Variants in SMARCD1 observed in about 807,000 individuals in gnomAD.
The protein encoded by SMARCD1 is SWI/SNF-related matrix-associated actin-dependent regulator of chromatin subfamily D member 1.
In SMARCD1, 16 loss-of-function variants were observed where a neutral mutation model predicts 70.8. The observed-to-expected ratio is 0.23, with a 90% CI of 0.15 to 0.34. SMARCD1 has a LOEUF of 0.34. Ranked by LOEUF, SMARCD1 falls within the 10% of genes least tolerant of loss-of-function variation. The pLI, the probability that SMARCD1 is intolerant of heterozygous loss-of-function variation, is 1.00. For synonymous variants in SMARCD1, 249 were observed against 246.0 expected (o/e 1.01, Z -0.11); for missense variants, 409 against 655.5 (o/e 0.62, Z 4.11).
At chr12:50,088,857 T>C in intron 6 of SMARCD1, 1 of 324,328 alleles carries the variant, frequency 3.1e-6, no homozygotes, top group East Asian at 4.9e-5. Flanking sequence ...ATCTTTTTAA[T>C]GTTACTATCC....
Position 50,099,162 on chromosome 12 carries a change from T to C in SMARCD1, c.*162T>C, listed in dbSNP as rs570121131. 22 of 659,234 alleles carry C rather than the reference T, an allele frequency of 3.3e-5. No individual in the cohort carries two copies. The African/African-American group carries it at 3.4e-4, about 10-fold the overall frequency. The allele number at this position is 659,234 out of a possible 1,614,324, so 40.8% of individuals were successfully genotyped here. A position where few individuals can be genotyped will look rare whatever the true frequency, so the allele number is the denominator to read the frequency against. On this transcript the variant is annotated 3_prime_UTR_variant, in exon 13 of 13. Transcript: ENST00000394963. ...AGAGGGTCTCACAAGACACCTGTTA[T>C]CCTCTTCTTTCACCCTATCTCTTCC...
At chr12:50,093,225 G>C (rs555831701) in intron 9 of SMARCD1, among the ~76,000 whole-genome samples, 1 of 151,748 alleles carries the variant, frequency 6.6e-6, no homozygotes, top group Non-Finnish European at 1.5e-5. Context: ...GTCTTGCTCT[G>C]TCATCCAGGC....
At chr12:50,087,588 T>A in intron 5 of SMARCD1, 103 bp downstream of exon 5, 1 of 1,361,522 alleles carries the variant, frequency 7.3e-7, no homozygotes, top group Admixed American at 2.0e-5. Context: ...CACAGCTCCT[T>A]TTGGGAGCAG....
At chr12:50,086,575 C>T in intron 2 of SMARCD1, 46 bp from the exon 3 acceptor site, 1 of 1,582,186 alleles carries the variant, frequency 6.3e-7, no homozygotes, top group Non-Finnish European at 8.7e-7. Context: ...TTTTCACGTT[C>T]TGACTAGTTC....
intron 11 of SMARCD1, 193 bp from the exon 12 acceptor site, chr12:50,098,521 C>T (rs935937182): frequency 9.4e-5 from 56 of 597,062 alleles, no homozygotes; most frequent in Non-Finnish European, 6.3e-5. Context: ...AGGGGGTACT[C>T]TAATGACCTC....
At chr12:50,098,460 G>C in intron 11 of SMARCD1, 1 of 512,810 alleles carries the variant, frequency 2.0e-6, no homozygotes, top group Non-Finnish European at 3.5e-6. Flanking sequence ...GTATGTGTCT[G>C]TCTCCATGTC....
At position 50,094,764 on chromosome 12, in the gene SMARCD1, G is replaced by A. The variant is rs7139363; in HGVS notation, c.1269+192G>A. Among the ~76,000 whole-genome samples the A allele has an allele frequency of 0.25, 37,921 of 152,066 alleles. 5,745 individuals carry two copies. Among genetic ancestry groups the A allele is most frequent in the East Asian group, 0.77 (3,996 of 5,184 alleles). On this transcript the variant is annotated intron_variant, in intron 10 of 12. Transcript: ENST00000394963. ...GATACTCTCAACAGCACTGAGCCTC[G>A]GTTTCTGATTTGTGGAATAGAGACC...
At position 50,086,764 on chromosome 12, in the gene SMARCD1, A is replaced by G. The variant is rs746597769; in HGVS notation, c.417A>G (p.Glu139=). The change falls in exon 4 of 13, where the codon GAA becomes GAG. Residue 139 remains glutamate, a synonymous_variant. Transcript: ENST00000394963. The stretch of plus-strand genomic sequence containing the variant: ...ATTTTTCTGTTCCTAAGATTCGTGA[A>G]CTGGTACCAGAATCCCAGGCCTATA... The part of the protein sequence containing the change: ...ADKILPQRIR[E]LVPESQAYMD... 1.5e-5 allele frequency: 24 copies of G among 1,613,990 alleles called. No homozygotes were observed. In the Admixed American group the frequency reaches 3.5e-4, roughly 24 times the overall value.
intron 9 of SMARCD1, among the ~76,000 whole-genome samples, chr12:50,091,996 C>T (rs1472631859): frequency 6.6e-6 from 1 of 152,164 alleles, no homozygotes; most frequent in Non-Finnish European, 1.5e-5. Flanking sequence ...CATGGAAGGG[C>T]TCAGCAGCCA....
chr12:50,086,675 C>T lies in SMARCD1; in HGVS notation c.408+12C>T. ...TTCTACCTCAAAGGGTGAGTCCAGG[C>T]TATATGTCTTCTGGAAAGTGTGGTG... On this transcript the variant is annotated intron_variant, in intron 3 of 12. Coordinates refer to ENST00000394963, the MANE Select transcript of SMARCD1 (RefSeq NM_003076.5). 6.2e-7 allele frequency: 1 copy of T among 1,613,668 alleles called. No individual in the cohort carries two copies. Among genetic ancestry groups the T allele is most frequent in the Non-Finnish European group, 8.5e-7 (1 of 1,179,644 alleles).
chr12:50,096,764 G>T lies in SMARCD1; in HGVS notation c.1270-86G>T, dbSNP rs73299565. The T allele has an allele frequency of 2.0e-3, 2,630 of 1,296,366 alleles. 46 individuals carry two copies. In the African/African-American group the frequency reaches 0.034, roughly 17 times the overall value. The allele number at this position is 1,296,366 out of a possible 1,614,324, so 80.3% of individuals were successfully genotyped here. On this transcript the variant is annotated intron_variant, in intron 10 of 12. Transcript: ENST00000394963. ...CAGCATGGTGACTAGGTTGGAAGTG[G>T]CATGTGGAGTTGTCAGGCACCACCT...
At chr12:50,095,978 T>C (rs76418035) in intron 10 of SMARCD1, among the ~76,000 whole-genome samples, 1,756 of 152,272 alleles carry the variant, frequency 0.012, 33 homozygotes, top group African/African-American at 0.039. Context: ...ATGCTATTTG[T>C]ATATAGAATG....
intron 10 of SMARCD1, among the ~76,000 whole-genome samples, chr12:50,095,168 A>G (rs1394174312): frequency 6.6e-6 from 1 of 152,244 alleles, no homozygotes; most frequent in Non-Finnish European, 1.5e-5. Context: ...TTGAGACTGT[A>G]TCTGGCACAT....
chr12:50,093,685 T>G (rs1264476563), intron 9 of SMARCD1, among the ~76,000 whole-genome samples: 2 of 151,894 alleles, frequency 1.3e-5, no homozygotes, highest in Non-Finnish European at 2.9e-5. Flanking sequence ...GGGGTCTGTG[T>G]GGTGTAGGCT....
chr12:50,086,234 A>T lies in SMARCD1; in HGVS notation c.251A>T (p.Asn84Ile), dbSNP rs372851900. Residue 84 changes from asparagine to isoleucine, a missense_variant, in exon 2 of 13, where the codon AAC becomes ATC. Asn to Ile is a moderately radical substitution (Grantham distance 149). Around this residue, in one of 2 missense-constraint regions of SMARCD1, gnomAD observed 140 missense variants for 156.9 expected, o/e 0.89. Transcript: ENST00000394963. The part of the protein sequence containing the change: ...PSMGPPGYGG[N>I]PSVRPGLAQS... The stretch of plus-strand genomic sequence containing the variant: ...ATGGGACCCCCTGGCTATGGGGGGA[A>T]CCCTTCAGTCCGACCTGGCCTGGCC... 28 of 1,612,446 alleles carry T rather than the reference A, an allele frequency of 1.7e-5. 2 individuals carry two copies. Among genetic ancestry groups the T allele is most frequent in the Admixed American group, 1.3e-4 (8 of 59,816 alleles).
At position 50,088,511 on chromosome 12, in the gene SMARCD1, TCTC is replaced by T; in HGVS notation, c.655-6_655-4del. ...CTTTCCTAATGTGATTTTTATTTTCTCTCCTCTAGTCAGCCTTGTCCAAATATG... is the reference window on the plus strand; with the variant it reads ...CTTTCCTAATGTGATTTTTATTTTCTCTCTAGTCAGCCTTGTCCAAATATG... On this transcript the variant is annotated splice_region_variant and splice_polypyrimidine_tract_variant and intron_variant, in intron 5 of 12. Coordinates refer to ENST00000394963, the MANE Select transcript of SMARCD1 (RefSeq NM_003076.5). The T allele has an allele frequency of 6.9e-7, 1 of 1,448,638 alleles. No homozygotes were observed. The highest frequency in any genetic ancestry group is 9.5e-7 in the Non-Finnish European group (1 of 1,051,914). The allele number at this position is 1,448,638 out of a possible 1,614,324, so 89.7% of individuals were successfully genotyped here.
intron 5 of SMARCD1, 128 bp downstream of exon 5, chr12:50,087,613 C>T (rs537745961): frequency 9.1e-7 from 1 of 1,103,072 alleles, no homozygotes; most frequent in African/African-American, 1.6e-5. Flanking sequence ...GAGAGGGACA[C>T]TGTTCCCTGC....
rs753949678 is a variant in SMARCD1 at position 50,090,200 on chromosome 12, C to T, written c.874-41C>T. ...TTGAATGTATTGCTGCATATAGACG[C>T]AGCTAACTAGCTTCATCCCCTATAC... On this transcript the variant is annotated intron_variant, in intron 7 of 12. Transcript: ENST00000394963. The T allele has an allele frequency of 9.6e-6, 15 of 1,565,742 alleles. No homozygotes were observed. The South Asian group carries it at 1.8e-4, about 18-fold the overall frequency.
At chr12:50,089,748 T>C (rs1005521383) in intron 6 of SMARCD1, 136 bp from the exon 7 acceptor site, 1 of 609,234 alleles carries the variant, frequency 1.6e-6, no homozygotes, top group Non-Finnish European at 2.9e-6. Context: ...TGCAGTTTTT[T>C]AAAATGCCTC....
Sources: allele counts gnomAD v4.1 joint callset (sites outside exome capture counted in the v4.1 genomes callset), GRCh38; gene constraint gnomAD v4.1.1; regional missense constraint gnomAD v4.1.1; transcripts MANE v1.5; gene names NCBI Gene and HGNC (gene_info 2026-07-23, HGNC 2026-07-21).